C5orf63: variants seen among roughly 807,000 people sequenced by gnomAD.
The protein encoded by C5orf63 is glutaredoxin-like protein C5orf63.
In C5orf63, 18 loss-of-function variants were observed where a neutral mutation model predicts 13.3. That is an observed-to-expected ratio of 1.36 (90% CI 0.94 to 2.01). C5orf63 has a LOEUF of 2.01. C5orf63 is among the 30% of genes most tolerant of loss of function. The probability of loss-of-function intolerance (pLI) is 0.00; values close to 1 mark genes in which losing one functional copy is unlikely to be tolerated. For missense variants in C5orf63, 118 were observed against 127.7 expected, an observed-to-expected ratio of 0.92 and a Z score of 0.36; for synonymous variants, 38 against 44.7, an observed-to-expected ratio of 0.85 and a Z score of 0.60.
Position 127,052,656 on chromosome 5 carries a change from AG to A in C5orf63, c.127del (p.Leu43PhefsTer21). 6.6e-7 allele frequency: 1 copy of A among 1,512,222 alleles called. No homozygotes were observed. The highest frequency in any genetic ancestry group is 8.8e-7 in the Non-Finnish European group (1 of 1,138,562). 93.7% of individuals were successfully genotyped at this position (1,512,222 alleles called of 1,614,324 possible). A position where few individuals can be genotyped will look rare whatever the true frequency, so the allele number is the denominator to read the frequency against. On this transcript the variant is annotated frameshift_variant, in exon 4 of 5. Transcript: ENST00000296662. LOFTEE classifies it high-confidence loss of function. ...LTLFTKDPCPLCDEAKEVLKP... is the reference protein window; with the variant it reads ...LTLFTKDPCPXCDEAKEVLKP... ...GAGTACTTCCTTGGCTTCATCACAA[AG>A]GGGGCATGGGTCCTACAGGAAGAAA...
At chr5:127,044,411 C>T (rs1038395250), downstream of C5orf63, 2 of 152,128 alleles carry the variant, frequency 1.3e-5, no homozygotes, top group African/African-American at 4.8e-5. Context: ...AGAGGTTTAG[C>T]TTTGGTAGTC....
intron 4 of C5orf63, chr5:127,052,250 T>A: frequency 3.0e-6 from 1 of 332,736 alleles, no homozygotes; most frequent in Non-Finnish European, 5.4e-6. Context: ...AGGACAGAAA[T>A]GTTTTGGTTA....
At chr5:127,062,128 A>G (rs1205429880) in intron 2 of C5orf63, among the ~76,000 whole-genome samples, 1 of 152,260 alleles carries the variant, frequency 6.6e-6, no homozygotes, top group Non-Finnish European at 1.5e-5. Context: ...ATGACAAAAC[A>G]CAGCATGTGG....
chr5:127,059,871 C>T (rs1482278453), intron 2 of C5orf63, among the ~76,000 whole-genome samples: 2 of 151,410 alleles, frequency 1.3e-5, no homozygotes, highest in Admixed American at 6.6e-5. Context: ...GCTGGCCAGG[C>T]GTGGTGGCTC....
chr5:127,046,064 A>G (rs975452522), exon 5 of C5orf63: 13 of 152,176 alleles, frequency 8.5e-5, no homozygotes, highest in African/African-American at 2.9e-4. Flanking sequence ...AGGTGGCCAC[A>G]TTTCCAACCA....
intron 2 of C5orf63, among the ~76,000 whole-genome samples, chr5:127,066,157 G>A (rs762479792): frequency 6.6e-6 from 1 of 152,162 alleles, no homozygotes; most frequent in Non-Finnish European, 1.5e-5. Context: ...GGCTTAAGCA[G>A]AGTACACCAA....
chr5:127,067,175 G>C (rs1754362262), intron 2 of C5orf63, among the ~76,000 whole-genome samples: 1 of 152,110 alleles, frequency 6.6e-6, no homozygotes, highest in Non-Finnish European at 1.5e-5. Flanking sequence ...GAAGAGTGAA[G>C]GCAAAAGTTG....
chr5:127,059,461 C>T (rs185387896), intron 2 of C5orf63, among the ~76,000 whole-genome samples: 91 of 152,302 alleles, frequency 6.0e-4, no homozygotes, highest in Non-Finnish European at 1.1e-3. Context: ...GATGCCATGG[C>T]TCACACCTGT....
At chr5:127,072,092 G>A (rs185682909) in intron 1 of C5orf63, 2 of 152,220 alleles carry the variant, frequency 1.3e-5, no homozygotes, top group Admixed American at 6.5e-5. Context: ...TGTGGCTACT[G>A]CTGCCAGAGC....
At chr5:127,073,121 G>C (rs1385531491) in intron 1 of C5orf63, 1 of 151,906 alleles carries the variant, frequency 6.6e-6, no homozygotes, top group African/African-American at 2.4e-5. Context: ...ACCCGGGACG[G>C]GGCATCGGCG....
Position 127,051,509 on chromosome 5 carries a change from A to G in C5orf63, c.*262T>C. ...TCTATTAATACAAAAAGGATAAATA[A>G]GACAAATGGACTTCTCCCTCCCTCC... is the stretch of plus-strand genomic sequence containing the variant. On this transcript the variant is annotated 3_prime_UTR_variant, in exon 5 of 5. Transcript: ENST00000296662. The G allele has an allele frequency of 8.1e-7, 1 of 1,237,490 alleles. No individual in the cohort carries two copies. The highest frequency in any genetic ancestry group is 1.0e-6 in the Non-Finnish European group (1 of 991,288). 76.7% of individuals were successfully genotyped at this position (1,237,490 alleles called of 1,614,324 possible). A position where few individuals can be genotyped will look rare whatever the true frequency, so the allele number is the denominator to read the frequency against.
At chr5:127,047,835 A>G (rs1171573060), downstream of C5orf63, 3 of 703,902 alleles carry the variant, frequency 4.3e-6, no homozygotes, top group Non-Finnish European at 7.8e-6. Context: ...TCCCCGACTG[A>G]GAAGCCATGT....
At chr5:127,044,835 G>A (rs980514865), downstream of C5orf63, 9 of 141,152 alleles carry the variant, frequency 6.4e-5, 1 homozygote, top group Non-Finnish European at 3.0e-5. Flanking sequence ...GGCAGGTCTC[G>A]AACTCCTGGG....
chr5:127,053,263 C>A (rs1460221040), intron 3 of C5orf63, among the ~76,000 whole-genome samples: 1 of 152,164 alleles, frequency 6.6e-6, no homozygotes, highest in South Asian at 2.1e-4. Context: ...AAATTCTCCA[C>A]CTGAAGAGCA....
At chr5:127,064,679 CA>C (rs1754253851) in intron 2 of C5orf63, among the ~76,000 whole-genome samples, 1 of 152,162 alleles carries the variant, frequency 6.6e-6, no homozygotes, top group African/African-American at 2.4e-5. Flanking sequence ...GAGAAGCCAG[CA>C]AAGAATCAGT....
chr5:127,059,728 C>CA (rs58498141), intron 2 of C5orf63, among the ~76,000 whole-genome samples: 13,286 of 98,948 alleles, frequency 0.13, 684 homozygotes, highest in Non-Finnish European at 0.17. Flanking sequence ...GATCTTATCT[C>CA]AAAAAAAAAA....
At chr5:127,047,501 T>A (rs1580521246), downstream of C5orf63, 4 of 544,406 alleles carry the variant, frequency 7.3e-6, no homozygotes, top group Non-Finnish European at 1.3e-5. Flanking sequence ...GGATTCCTAG[T>A]CACATGACCA....
chr5:127,049,409 C>A (rs753714212), downstream of C5orf63, among the ~76,000 whole-genome samples: 2 of 152,170 alleles, frequency 1.3e-5, no homozygotes, highest in African/African-American at 2.4e-5. Context: ...CCTCCTTACT[C>A]CCAATCCCCA....
chr5:127,061,940 A>T (rs1267860747), intron 2 of C5orf63, among the ~76,000 whole-genome samples: 1 of 152,248 alleles, frequency 6.6e-6, no homozygotes, highest in Non-Finnish European at 1.5e-5. Context: ...TGATCTGACT[A>T]CGACCAGGGC....
Sources: gnomAD v4.1 joint callset for allele counts (sites outside exome capture counted in the v4.1 genomes callset) on GRCh38, gnomAD v4.1.1 for gene constraint, MANE v1.5 for transcripts, NCBI Gene and HGNC (gene_info 2026-07-23, HGNC 2026-07-21) for gene names.